GLIS1: variants seen among roughly 807,000 people sequenced by gnomAD.
GLIS1 encodes GLIS family zinc finger 1.
In GLIS1, 24 loss-of-function variants were observed where a neutral mutation model predicts 63.8. The observed-to-expected ratio is 0.38, with a 90% CI of 0.27 to 0.53. The LOEUF (loss-of-function observed/expected upper bound fraction) is 0.53. Ranked by LOEUF, GLIS1 falls within the 20% of genes least tolerant of loss-of-function variation. GLIS1 has a pLI of 0.85. For missense variants in GLIS1, 1,036 were observed against 1,074.1 expected (o/e 0.96, Z 0.50); for synonymous variants, 450 against 482.5 (o/e 0.93, Z 0.88).
At chr1:53,676,063 C>T (rs1021501887) in intron 2 of GLIS1, among the ~76,000 whole-genome samples, 1 of 151,996 alleles carries the variant, frequency 6.6e-6, no homozygotes, top group African/African-American at 2.4e-5. Flanking sequence ...AAATCGTAGA[C>T]TTGGTTCACA....
rs1456258475 is a variant in GLIS1, at chr1:53,506,514, G to A, written c.*105C>T. ...CCTGGGTCATGGCCTGGCTGTTCCG[G>A]CTGTGGCCTGGCACTCCTGCTAGGT... On this transcript the variant is annotated 3_prime_UTR_variant, in exon 11 of 11. Coordinates refer to ENST00000628545, the MANE Select transcript of GLIS1 (RefSeq NM_001367484.1). The A allele has an allele frequency of 2.4e-6, 3 of 1,243,874 alleles. No homozygotes were observed. Among genetic ancestry groups the A allele is most frequent in the African/African-American group, 3.0e-5 (2 of 67,470 alleles). The allele number at this position is 1,243,874 out of a possible 1,614,324, so 77.1% of individuals were successfully genotyped here. A position where few individuals can be genotyped will look rare whatever the true frequency, so the allele number is the denominator to read the frequency against.
At chr1:53,570,027 G>A (rs1644969982) in intron 4 of GLIS1, among the ~76,000 whole-genome samples, 1 of 152,014 alleles carries the variant, frequency 6.6e-6, no homozygotes, top group Non-Finnish European at 1.5e-5. Flanking sequence ...AGAGTAAATG[G>A]AATTCCAATC....
intron 6 of GLIS1, 87 bp from the exon 7 acceptor site, chr1:53,520,853 A>G: frequency 7.1e-7 from 1 of 1,411,368 alleles, no homozygotes; most frequent in Non-Finnish European, 9.4e-7. Flanking sequence ...GGCAGAAAGG[A>G]CTGCAGCCCC....
chr1:53,710,069 CA>C (rs1408489266), intron 2 of GLIS1, among the ~76,000 whole-genome samples: 1 of 152,170 alleles, frequency 6.6e-6, no homozygotes. Context: ...GATGGTCCAC[CA>C]GCTACAAACC....
At chr1:53,658,718 C>G (rs1488344657) in intron 2 of GLIS1, among the ~76,000 whole-genome samples, 1 of 152,218 alleles carries the variant, frequency 6.6e-6, no homozygotes, top group Non-Finnish European at 1.5e-5. Context: ...GCTCACATGC[C>G]TGGCTCCCTG....
At chr1:53,633,599 G>A (rs765848020) in intron 2 of GLIS1, among the ~76,000 whole-genome samples, 2 of 151,982 alleles carry the variant, frequency 1.3e-5, no homozygotes, top group African/African-American at 2.4e-5. Context: ...CTCCATGTCT[G>A]GAAGAAATTA....
intron 2 of GLIS1, among the ~76,000 whole-genome samples, chr1:53,630,497 C>CTTTTTTTTT (rs5774154): frequency 6.9e-6 from 1 of 145,012 alleles, no homozygotes. Flanking sequence ...CAATTTCTTT[C>CTTTTTTTTT]TTTTTTTTTT....
At chr1:53,525,093 C>T (rs1345108031) in intron 5 of GLIS1, among the ~76,000 whole-genome samples, 1 of 152,182 alleles carries the variant, frequency 6.6e-6, no homozygotes, top group Non-Finnish European at 1.5e-5. Flanking sequence ...CCACCACCAT[C>T]CTGGGACCTC....
intron 2 of GLIS1, among the ~76,000 whole-genome samples, chr1:53,669,616 G>C (rs2100391160): frequency 6.6e-6 from 1 of 152,334 alleles, no homozygotes; most frequent in South Asian, 2.1e-4. Flanking sequence ...CGGAGAACAA[G>C]CCAGACACAT....
intron 2 of GLIS1, among the ~76,000 whole-genome samples, chr1:53,636,811 G>A (rs1371464088): frequency 6.6e-6 from 1 of 152,164 alleles, no homozygotes. Flanking sequence ...TCTGACTCAC[G>A]CCACTCTCCA....
chr1:53,623,715 A>C (rs952984098), intron 2 of GLIS1, among the ~76,000 whole-genome samples: 3 of 152,234 alleles, frequency 2.0e-5, no homozygotes, highest in African/African-American at 4.8e-5. Flanking sequence ...TTGCAAACAT[A>C]ATAAAATGAA....
intron 2 of GLIS1, among the ~76,000 whole-genome samples, chr1:53,713,683 G>A (rs1299408367): frequency 6.6e-6 from 1 of 152,190 alleles, no homozygotes; most frequent in African/African-American, 2.4e-5. Context: ...GATCGCTTGA[G>A]CCCAGGAAGT....
chr1:53,516,488 G>A (rs150035473), intron 7 of GLIS1, among the ~76,000 whole-genome samples: 2 of 152,060 alleles, frequency 1.3e-5, no homozygotes, highest in East Asian at 3.9e-4. Context: ...AGGGCCTGTG[G>A]CAAAGGGGAG....
intron 2 of GLIS1, among the ~76,000 whole-genome samples, chr1:53,670,232 G>A (rs1251155454): frequency 1.3e-5 from 2 of 152,294 alleles, no homozygotes; most frequent in African/African-American, 4.8e-5. Context: ...AGGAGGCAGC[G>A]TCCCAGAGTC....
chr1:53,687,534 A>G (rs528987499), intron 2 of GLIS1, among the ~76,000 whole-genome samples: 1 of 152,206 alleles, frequency 6.6e-6, no homozygotes, highest in Non-Finnish European at 1.5e-5. Context: ...CTCCTGTGAG[A>G]GCCGAGGAGC....
At chr1:53,663,109 C>A (rs76682761) in intron 2 of GLIS1, among the ~76,000 whole-genome samples, 1,671 of 152,308 alleles carry the variant, frequency 0.011, 27 homozygotes, top group African/African-American at 0.039. Context: ...ACAGCTCTCC[C>A]ACTAGCTCCA....
chr1:53,622,427 CAAAAAAAA>C (rs60923620), intron 2 of GLIS1, among the ~76,000 whole-genome samples: 7 of 132,308 alleles, frequency 5.3e-5, no homozygotes, highest in Admixed American at 3.0e-4. Context: ...GACTATGTCT[CAAAAAAAA>C]AAAAAAAAAA....
intron 2 of GLIS1, among the ~76,000 whole-genome samples, chr1:53,730,231 G>A (rs576197583): frequency 6.6e-6 from 1 of 152,032 alleles, no homozygotes; most frequent in Non-Finnish European, 1.5e-5. Flanking sequence ...AAAAGTATTC[G>A]GTGGTTTAGG....
intron 2 of GLIS1, among the ~76,000 whole-genome samples, chr1:53,727,556 G>C (rs893352838): frequency 1.3e-5 from 2 of 152,216 alleles, no homozygotes; most frequent in African/African-American, 4.8e-5. Context: ...TTAAAGGGAG[G>C]ATAAACATGT....
Sources: gnomAD v4.1 joint callset for allele counts (sites outside exome capture counted in the v4.1 genomes callset) on GRCh38, gnomAD v4.1.1 for gene constraint, MANE v1.5 for transcripts, NCBI Gene and HGNC (gene_info 2026-07-23, HGNC 2026-07-21) for gene names.